LIMCH1: variants seen among roughly 807,000 people sequenced by gnomAD.
LIMCH1 encodes LIM and calponin homology domains-containing protein 1.
Under a neutral mutation model 176.5 loss-of-function variants are expected in LIMCH1, and 113 were observed. The ratio of observed to expected loss-of-function variants is 0.64; its 90% CI spans 0.55 to 0.75. LIMCH1 has a LOEUF of 0.75. LIMCH1 is among the 30% of genes least tolerant of loss of function. The pLI is 0.00. For synonymous variants in LIMCH1, 619 were observed against 645.9 expected (o/e 0.96, Z 0.63); for missense variants, 1,674 against 1,814.9 (o/e 0.92, Z 1.41).
chr4:41,636,336 A>G (rs1053816003), intron 13 of LIMCH1, among the ~76,000 whole-genome samples: 6 of 83,170 alleles, frequency 7.2e-5, no homozygotes, highest in African/African-American at 2.9e-4. Flanking sequence ...AGATTGCTTT[A>G]TTACTTTTTT....
chr4:41,663,787 G>A (rs1344590052), intron 20 of LIMCH1, among the ~76,000 whole-genome samples: 2 of 145,990 alleles, frequency 1.4e-5, no homozygotes, highest in Non-Finnish European at 3.0e-5. Flanking sequence ...GGAGGCCAGG[G>A]CAGGAGGATC....
intron 1 of LIMCH1, among the ~76,000 whole-genome samples, chr4:41,562,888 GA>G (rs1231093694): frequency 6.6e-6 from 1 of 152,106 alleles, no homozygotes; most frequent in Non-Finnish European, 1.5e-5. Context: ...TGATAGAAAA[GA>G]TCTTTGGAAT....
At chr4:41,503,123 T>C (rs1008160307) in intron 2 of LIMCH1, among the ~76,000 whole-genome samples, 3 of 152,198 alleles carry the variant, frequency 2.0e-5, no homozygotes, top group Admixed American at 6.5e-5. Flanking sequence ...AGTTGGCTAC[T>C]ATTAGCTTTT....
chr4:41,468,672 G>T (rs2066514033), intron 1 of LIMCH1, among the ~76,000 whole-genome samples: 1 of 151,754 alleles, frequency 6.6e-6, no homozygotes, highest in Non-Finnish European at 1.5e-5. Flanking sequence ...CAAGAGTTTT[G>T]GGTAAGGCAT....
At chr4:41,422,386 C>T (rs2060683337) in intron 1 of LIMCH1, among the ~76,000 whole-genome samples, 1 of 152,120 alleles carries the variant, frequency 6.6e-6, no homozygotes, top group South Asian at 2.1e-4. Flanking sequence ...CGAGGTTTCA[C>T]GGCATTGCCC....
chr4:41,667,588 C>T (rs2094872781), intron 21 of LIMCH1, among the ~76,000 whole-genome samples: 1 of 152,136 alleles, frequency 6.6e-6, no homozygotes, highest in South Asian at 2.1e-4. Context: ...CTTAAAATGG[C>T]ACTGACCACT....
chr4:41,413,795 C>G (rs1241657329), intron 1 of LIMCH1, among the ~76,000 whole-genome samples: 1 of 151,904 alleles, frequency 6.6e-6, no homozygotes, highest in Non-Finnish European at 1.5e-5. Flanking sequence ...TAATGTAAAG[C>G]CGACCTCAAG....
intron 1 of LIMCH1, among the ~76,000 whole-genome samples, chr4:41,555,536 GA>G (rs1483573560): frequency 1.3e-5 from 2 of 152,150 alleles, no homozygotes; most frequent in Non-Finnish European, 2.9e-5. Context: ...AAATCTAAGT[GA>G]AGTTCTTTCA....
chr4:41,540,560 G>A lies in LIMCH1; in HGVS notation c.-241+2210G>A, dbSNP rs556937801. On this transcript the variant is annotated intron_variant, in intron 1 of 31. Transcript: ENST00000503057. ...TCGAGACCAGCCTGGCCAACGTGGC[G>A]AAACTCTATCTCTACTAAAAATACA... 2.4e-3 allele frequency among the ~76,000 whole-genome samples: 360 copies of A among 152,236 alleles called. 1 individual carries two copies. Among genetic ancestry groups the A allele is most frequent in the African/African-American group, 8.3e-3 (346 of 41,556 alleles).
intron 7 of LIMCH1, among the ~76,000 whole-genome samples, chr4:41,623,784 G>A (rs994919560): frequency 6.6e-6 from 1 of 152,116 alleles, no homozygotes; most frequent in Non-Finnish European, 1.5e-5. Flanking sequence ...ATACAAAAGG[G>A]AGCAAAGGTG....
chr4:41,682,824 G>A (rs530712672), intron 26 of LIMCH1, among the ~76,000 whole-genome samples: 23 of 151,810 alleles, frequency 1.5e-4, no homozygotes, highest in African/African-American at 4.8e-4. Context: ...CTACAGGTGC[G>A]TGCCACCACG....
intron 18 of LIMCH1, among the ~76,000 whole-genome samples, chr4:41,659,644 C>G (rs1050944886): frequency 1.3e-5 from 2 of 152,030 alleles, no homozygotes; most frequent in Admixed American, 1.3e-4. Flanking sequence ...TTAATAATGC[C>G]TTTTCTGAAA....
chr4:41,541,176 T>G (rs1326060106), intron 1 of LIMCH1, among the ~76,000 whole-genome samples: 1 of 152,158 alleles, frequency 6.6e-6, no homozygotes, highest in Non-Finnish European at 1.5e-5. Flanking sequence ...CTGTGAAATG[T>G]AAAGAAGCAC....
intron 1 of LIMCH1, among the ~76,000 whole-genome samples, chr4:41,395,465 A>G (rs2057710619): frequency 1.3e-5 from 2 of 150,338 alleles, no homozygotes; most frequent in Admixed American, 1.3e-4. Flanking sequence ...CTGGTCTCGA[A>G]CTCCCGACCT....
chr4:41,387,441 CAA>C (rs1405528392), intron 1 of LIMCH1, among the ~76,000 whole-genome samples: 1 of 152,088 alleles, frequency 6.6e-6, no homozygotes, highest in African/African-American at 2.4e-5. Context: ...AAGGATAGAC[CAA>C]AAAAATTATT....
intron 14 of LIMCH1, among the ~76,000 whole-genome samples, chr4:41,643,638 AGTCT>A (rs2093929964): frequency 6.6e-6 from 1 of 151,766 alleles, no homozygotes; most frequent in African/African-American, 2.4e-5. Flanking sequence ...ATGTATGCAC[AGTCT>A]AAGAGTTTTT....
chr4:41,628,724 G>T (rs377587829), intron 8 of LIMCH1, among the ~76,000 whole-genome samples: 1 of 152,078 alleles, frequency 6.6e-6, no homozygotes, highest in African/African-American at 2.4e-5. Context: ...GGTTTAAATC[G>T]CAGTTTTGTC....
At chr4:41,414,146 A>G (rs1423360269) in intron 1 of LIMCH1, among the ~76,000 whole-genome samples, 2 of 152,194 alleles carry the variant, frequency 1.3e-5, no homozygotes, top group Non-Finnish European at 2.9e-5. Context: ...TCATATTAAC[A>G]GGATGGGGGG....
At chr4:41,503,620 C>G (rs1583229315) in intron 2 of LIMCH1, among the ~76,000 whole-genome samples, 1 of 152,118 alleles carries the variant, frequency 6.6e-6, no homozygotes, top group African/African-American at 2.4e-5. Flanking sequence ...GAGGGACTTA[C>G]GTTTTCAGAC....
Sources: allele counts gnomAD v4.1 joint callset (sites outside exome capture counted in the v4.1 genomes callset), GRCh38; gene constraint gnomAD v4.1.1; transcripts MANE v1.5; gene names NCBI Gene and HGNC (gene_info 2026-07-23, HGNC 2026-07-21).